GNG7: variants seen among roughly 807,000 people sequenced by gnomAD.
GNG7 encodes guanine nucleotide-binding protein G(I)/G(S)/G(O) subunit gamma-7.
Under a neutral mutation model 4.0 loss-of-function variants are expected in GNG7, and 1 was observed. The observed-to-expected ratio is 0.25, with a 90% CI of 0.09 to 1.18. GNG7 has a LOEUF of 1.18. GNG7 is among the 50% of genes most tolerant of loss of function. GNG7 has a pLI of 0.50. For missense variants in GNG7, 86 were observed against 91.9 expected (o/e 0.94, Z 0.26); for synonymous variants, 34 against 36.9 (o/e 0.92, Z 0.29).
Position 2,512,222 on chromosome 19 carries a change from G to A in GNG7, c.*2800C>T, listed in dbSNP as rs1599366109. 3.0e-6 allele frequency: 3 copies of A among 985,878 alleles called. No homozygotes were observed. The highest frequency in any genetic ancestry group is 1.1e-4 in the East Asian group (1 of 8,810). 61.1% of individuals were successfully genotyped at this position (985,878 alleles called of 1,614,324 possible). On this transcript the variant is annotated 3_prime_UTR_variant, in exon 5 of 5. Coordinates refer to ENST00000382159, the MANE Select transcript of GNG7 (RefSeq NM_052847.3). This position sits in a 1 kb window ranked among gnomAD's most constrained non-coding sequence, Gnocchi z 4.7. ...GTCTGGAGGTGCACGCGCGCTCCTG[G>A]AAACGCCCATAAAACATGCGTTCAC...
chr19:2,519,954 C>A (rs982558502), intron 4 of GNG7, among the ~76,000 whole-genome samples: 3 of 152,036 alleles, frequency 2.0e-5, no homozygotes, highest in Non-Finnish European at 4.4e-5. Context: ...CCGAGGCAGG[C>A]GGATCACCTG....
intron 1 of GNG7, among the ~76,000 whole-genome samples, chr19:2,658,933 G>C (rs995106532): frequency 3.3e-5 from 5 of 151,712 alleles, no homozygotes; most frequent in Non-Finnish European, 7.4e-5. Flanking sequence ...GACTTGAAGA[G>C]ACAAATTGTG....
intron 1 of GNG7, among the ~76,000 whole-genome samples, chr19:2,673,692 T>G (rs1183279325): frequency 7.8e-6 from 1 of 128,172 alleles, no homozygotes; most frequent in African/African-American, 2.8e-5. Context: ...AGACTCCATC[T>G]AAAAAAAAAA....
chr19:2,647,431 A>G lies in GNG7; in HGVS notation c.-134-1151T>C, dbSNP rs556712167. Among the ~76,000 whole-genome samples, 5 of 152,230 alleles carry G rather than the reference A, an allele frequency of 3.3e-5. No homozygotes were observed. The East Asian group carries it at 7.7e-4, about 24-fold the overall frequency. On this transcript the variant is annotated intron_variant, in intron 1 of 4. Transcript: ENST00000382159. The stretch of plus-strand genomic sequence containing the variant: ...CACCCCACGAGCCTTTCCCTTCCCA[A>G]ACTCTGCTCTGTGCTCCATGTCCTC...
At chr19:2,630,753 G>T (rs1406933109) in intron 2 of GNG7, 1 of 151,346 alleles carries the variant, frequency 6.6e-6, no homozygotes, top group African/African-American at 2.4e-5. Flanking sequence ...GGTCCTCTGT[G>T]CAGGGTCTTA....
At chr19:2,643,827 C>T (rs1236703735) in intron 2 of GNG7, 3 of 360,852 alleles carry the variant, frequency 8.3e-6, no homozygotes, top group African/African-American at 2.1e-5. Flanking sequence ...CTCAATGGGA[C>T]GCTGTCATCG....
chr19:2,549,293 G>GTT (rs11439149), intron 3 of GNG7, among the ~76,000 whole-genome samples: 6,861 of 144,598 alleles, frequency 0.047, 453 homozygotes, highest in African/African-American at 0.15. Context: ...ACAGGGCTGT[G>GTT]TTTTTTTTTT....
intron 3 of GNG7, among the ~76,000 whole-genome samples, chr19:2,542,742 C>G (rs1979003702): frequency 6.6e-6 from 1 of 152,116 alleles, no homozygotes; most frequent in African/African-American, 2.4e-5. Context: ...TGGTTGGGGT[C>G]TCCAGGCTGG....
At chr19:2,666,178 C>G (rs1207694051) in intron 1 of GNG7, among the ~76,000 whole-genome samples, 1 of 150,592 alleles carries the variant, frequency 6.6e-6, no homozygotes, top group Non-Finnish European at 1.5e-5. Context: ...TTTATTTATT[C>G]ATTTTTATTT....
At chr19:2,567,576 T>C (rs1979961797) in intron 2 of GNG7, among the ~76,000 whole-genome samples, 2 of 152,096 alleles carry the variant, frequency 1.3e-5, no homozygotes, top group African/African-American at 2.4e-5. Context: ...TCGTCCCACC[T>C]CGGCCTCCCA....
intron 1 of GNG7, among the ~76,000 whole-genome samples, chr19:2,670,800 G>A (rs1483782121): frequency 6.6e-6 from 1 of 151,614 alleles, no homozygotes; most frequent in African/African-American, 2.4e-5. Context: ...GACTTTACCA[G>A]GTGTCCCCTG....
At chr19:2,694,382 G>A (rs1317658010) in intron 1 of GNG7, among the ~76,000 whole-genome samples, 1 of 152,110 alleles carries the variant, frequency 6.6e-6, no homozygotes, top group Admixed American at 6.5e-5. Flanking sequence ...AATGTCTGGG[G>A]ACATCGGTGG....
At chr19:2,553,555 A>G (rs1371998228) in intron 3 of GNG7, among the ~76,000 whole-genome samples, 1 of 149,412 alleles carries the variant, frequency 6.7e-6, no homozygotes, top group Non-Finnish European at 1.5e-5. Flanking sequence ...CATATATGTA[A>G]TATCACATGT....
At chr19:2,593,097 C>T (rs528178185) in intron 2 of GNG7, among the ~76,000 whole-genome samples, 131 of 152,138 alleles carry the variant, frequency 8.6e-4, no homozygotes, top group African/African-American at 2.9e-3. Context: ...AAAATGCATA[C>T]TCTTTCTAAC....
chr19:2,569,306 C>T lies in GNG7; in HGVS notation c.-77-14118G>A, dbSNP rs1242989251. 4.6e-5 allele frequency among the ~76,000 whole-genome samples: 7 copies of T among 151,978 alleles called. 1 individual carries two copies. The highest frequency in any genetic ancestry group is 2.6e-4 in the Admixed American group (4 of 15,248). On this transcript the variant is annotated intron_variant, in intron 2 of 4. Coordinates refer to ENST00000382159, the MANE Select transcript of GNG7 (RefSeq NM_052847.3). Reference sequence around the variant, plus strand: ...TTCTTTTTTTTGTGAGACAGAGTCTCGCTCTGTCGCCCAGGCTGGAGTGCA... The same window carrying T: ...TTCTTTTTTTTGTGAGACAGAGTCTTGCTCTGTCGCCCAGGCTGGAGTGCA...
Position 2,643,010 on chromosome 19 carries a change from C to T in GNG7, c.-78+3214G>A, listed in dbSNP as rs767120507. 3.0e-4 allele frequency: 136 copies of T among 455,284 alleles called. 2 individuals are homozygous for T. The highest frequency in any genetic ancestry group is 4.0e-4 in the South Asian group (26 of 64,512). 28.2% of individuals were successfully genotyped at this position (455,284 alleles called of 1,614,324 possible). A position where few individuals can be genotyped will look rare whatever the true frequency, so the allele number is the denominator to read the frequency against. ...CTGCGCCCTCTCCGGGCTCTACACA[C>T]CTTCCCGCCCTGCACCATGTGCACC... On this transcript the variant is annotated intron_variant, in intron 2 of 4. Transcript: ENST00000382159.
rs951222018 is a variant in GNG7 at position 2,513,054 on chromosome 19, G to A, written c.*1968C>T. 2 of 985,570 alleles carry A rather than the reference G, an allele frequency of 2.0e-6. No homozygotes were observed. Among genetic ancestry groups the A allele is most frequent in the Non-Finnish European group, 2.4e-6 (2 of 830,046 alleles). The allele number at this position is 985,570 out of a possible 1,614,324, so 61.1% of individuals were successfully genotyped here. Reference sequence around the variant, plus strand: ...TCCCGGACCTGCCGTAGAGAGCTGGGTGCCGGGGGTGGGGAGCCCGGCTGT... The same window carrying A: ...TCCCGGACCTGCCGTAGAGAGCTGGATGCCGGGGGTGGGGAGCCCGGCTGT... On this transcript the variant is annotated 3_prime_UTR_variant, in exon 5 of 5. Transcript: ENST00000382159.
In GNG7 at chr19:2,617,500, CA is replaced by C. The variant is rs1981752806; in HGVS notation, c.-78+28723del. Among the ~76,000 whole-genome samples, 1 of 152,126 alleles carries C rather than the reference CA, an allele frequency of 6.6e-6. No homozygotes were observed. Among genetic ancestry groups the C allele is most frequent in the Admixed American group, 6.6e-5 (1 of 15,262 alleles). On this transcript the variant is annotated intron_variant, in intron 2 of 4. Transcript: ENST00000382159. This position sits in a 1 kb window ranked among gnomAD's most constrained non-coding sequence, Gnocchi z 4.7. ...CTGTTCTTCTCCCCATCCTCCTCTC[CA>C]CCTCCAGCCCTCAAAGACCTGGCCT...
intron 2 of GNG7, among the ~76,000 whole-genome samples, chr19:2,568,266 GAGACACATATAGACTT>G (rs1234055187): frequency 7.0e-6 from 1 of 141,914 alleles, no homozygotes; most frequent in Non-Finnish European, 1.5e-5. Flanking sequence ...CACACATATA[GAGACACATATAGACTT>G]ACACACATAT....
Sources: gnomAD v4.1 joint callset for allele counts (sites outside exome capture counted in the v4.1 genomes callset) on GRCh38, gnomAD v4.1.1 for gene constraint, Gnocchi (gnomAD v3.1) non-coding constraint, MANE v1.5 for transcripts, NCBI Gene and HGNC (gene_info 2026-07-23, HGNC 2026-07-21) for gene names.